The following GOLGA8H variants were observed in gnomAD, a reference collection of about 807,000 sequenced individuals.
The protein encoded by GOLGA8H is golgin subfamily A member 8H.
A neutral mutation model predicts 82.7 loss-of-function variants in GOLGA8H; 47 were observed. The observed-to-expected ratio is 0.57, with a 90% CI of 0.45 to 0.73. The LOEUF (loss-of-function observed/expected upper bound fraction) is 0.73, where lower values mean the gene tolerates loss of function less well. GOLGA8H is among the 30% of genes least tolerant of loss of function. The pLI, the probability that GOLGA8H is intolerant of heterozygous loss-of-function variation, is 0.00. For missense variants in GOLGA8H, 372 were observed against 661.0 expected, an observed-to-expected ratio of 0.56 and a Z score of 4.79; for synonymous variants, 108 against 241.6, an observed-to-expected ratio of 0.45 and a Z score of 5.13.
At chr15:30,605,698 C>A in intron 1 of GOLGA8H, 145 bp from the exon 2 acceptor site, 3 of 1,404,166 alleles carry the variant, frequency 2.1e-6, no homozygotes, top group Middle Eastern at 2.6e-4. Flanking sequence ...TTCTCAGTCA[C>A]TAAATGAGTG....
chr15:30,610,624 T>C, intron 11 of GOLGA8H, 142 bp from the exon 12 acceptor site: 1 of 1,479,986 alleles, frequency 6.8e-7, no homozygotes, highest in Non-Finnish European at 9.1e-7. Context: ...GAATGTGCTT[T>C]GGAAGACTGG....
chr15:30,609,769 C>G, intron 8 of GOLGA8H, 37 bp from the exon 9 acceptor site: 3 of 1,545,114 alleles, frequency 1.9e-6, no homozygotes, highest in Non-Finnish European at 1.8e-6. Context: ...AATGCCCAGG[C>G]TCTCCAGATT....
intron 4 of GOLGA8H, 90 bp from the exon 5 acceptor site, chr15:30,607,940 T>G: frequency 6.3e-7 from 1 of 1,590,386 alleles, no homozygotes; most frequent in Non-Finnish European, 8.5e-7. Flanking sequence ...GCCTTTAAAA[T>G]CCATTCCTGG....
In GOLGA8H at chr15:30,609,803, C is replaced by T. The variant is rs771045131; in HGVS notation, c.592-3C>T. 45 of 1,514,754 alleles carry T rather than the reference C, an allele frequency of 3.0e-5. No individual in the cohort carries two copies. In the East Asian group the frequency reaches 4.2e-4, roughly 14 times the overall value. 93.8% of individuals were successfully genotyped at this position (1,514,754 alleles called of 1,614,324 possible). A position where few individuals can be genotyped will look rare whatever the true frequency, so the allele number is the denominator to read the frequency against. On this transcript the variant is annotated splice_polypyrimidine_tract_variant and splice_region_variant and intron_variant, in intron 8 of 18. Transcript: ENST00000566740. ...TTGAAACTTCTCACTCTTCACCATCCAGTTGTCCAGCCGCAGCAAAGCACG... is the reference window on the plus strand; with the variant it reads ...TTGAAACTTCTCACTCTTCACCATCTAGTTGTCCAGCCGCAGCAAAGCACG...
At chr15:30,608,296 C>A (rs1394965895) in intron 5 of GOLGA8H, 35 bp from the exon 6 acceptor site, 1 of 1,582,882 alleles carries the variant, frequency 6.3e-7, no homozygotes, top group Non-Finnish European at 8.6e-7. Context: ...TCTCTGCCTC[C>A]CCCTGGTAAG....
chr15:30,611,425 G>C, intron 13 of GOLGA8H, 79 bp downstream of exon 13: 1 of 1,488,932 alleles, frequency 6.7e-7, no homozygotes, highest in Non-Finnish European at 9.0e-7. Context: ...GGAGGTGCCA[G>C]GCCAGAGGCA....
At chr15:30,609,128 TG>T (rs1429787257) in intron 8 of GOLGA8H, among the ~76,000 whole-genome samples, 2 of 118,186 alleles carry the variant, frequency 1.7e-5, no homozygotes, top group African/African-American at 3.5e-5. Flanking sequence ...CGTGTGTGTG[TG>T]TGTGTGTGTG....
At chr15:30,608,439 C>T in intron 6 of GOLGA8H, 28 bp from the exon 7 acceptor site, 16 of 1,604,284 alleles carry the variant, frequency 1.0e-5, no homozygotes, top group Non-Finnish European at 1.4e-5. Flanking sequence ...CCTTCTCTTT[C>T]AGCACTTGCT....
chr15:30,616,133 T>C lies in GOLGA8H; in HGVS notation c.*1572T>C, dbSNP rs2060102938. On this transcript the variant is annotated 3_prime_UTR_variant, in exon 19 of 19. Transcript: ENST00000566740. ...ATTGTGCCTATGCATGATGAATGAA[T>C]GCATTTCAGTTGTATATTGCCTAAA... Among the ~76,000 whole-genome samples, 1 of 152,052 alleles carries C rather than the reference T, an allele frequency of 6.6e-6. No individual in the cohort carries two copies. Among genetic ancestry groups the C allele is most frequent in the African/African-American group, 2.4e-5 (1 of 41,408 alleles).
chr15:30,606,443 A>G lies in GOLGA8H; in HGVS notation c.169-412A>G, dbSNP rs1043182107. Reference sequence around the variant, plus strand: ...GATTTAGGGCAAGTTGCTAGACCTCATCGGGCCTCTCTTTTCACATCTGTA... The same window carrying G: ...GATTTAGGGCAAGTTGCTAGACCTCGTCGGGCCTCTCTTTTCACATCTGTA... On this transcript the variant is annotated intron_variant, in intron 2 of 18. Transcript: ENST00000566740. Among the ~76,000 whole-genome samples the G allele has an allele frequency of 4.6e-3, 700 of 151,144 alleles. 17 individuals are homozygous for G. The highest frequency in any genetic ancestry group is 0.016 in the African/African-American group (651 of 40,816).
intron 1 of GOLGA8H, 106 bp from the exon 2 acceptor site, chr15:30,605,737 C>A (rs1194815983): frequency 3.9e-6 from 6 of 1,535,532 alleles, no homozygotes; most frequent in Middle Eastern, 2.3e-4. Flanking sequence ...TTGTTGGTGT[C>A]ATTAAATCAG....
chr15:30,606,343 ACT>A lies in GOLGA8H; in HGVS notation c.168+384_168+385del, dbSNP rs1185795640. Among the ~76,000 whole-genome samples the A allele has an allele frequency of 4.0e-5, 6 of 149,260 alleles. 1 individual carries two copies. The highest frequency in any genetic ancestry group is 8.9e-5 in the Non-Finnish European group (6 of 67,420). On this transcript the variant is annotated intron_variant, in intron 2 of 18. Coordinates refer to ENST00000566740, the MANE Select transcript of GOLGA8H (RefSeq NM_001282490.2). ...CACTCCAGCCTGGTGACAGAGCAAG[ACT>A]CTGTCTCAAAGAAAAAAAAAAAAGG...
intron 2 of GOLGA8H, 132 bp downstream of exon 2, chr15:30,606,094 C>A (rs1233130618): frequency 4.8e-6 from 7 of 1,447,026 alleles, no homozygotes; most frequent in Non-Finnish European, 6.4e-6. Context: ...GTGGCCCACG[C>A]CTGTAATCCT....
intron 1 of GOLGA8H, 39 bp downstream of exon 1, chr15:30,604,212 C>G: frequency 8.3e-7 from 1 of 1,206,090 alleles, no homozygotes; most frequent in Non-Finnish European, 1.1e-6. Context: ...AACCCAGCCA[C>G]AGATCCCCTC....
intron 8 of GOLGA8H, among the ~76,000 whole-genome samples, chr15:30,609,005 C>T (rs2059972926): frequency 1.5e-5 from 2 of 133,234 alleles, no homozygotes; most frequent in South Asian, 4.5e-4. Flanking sequence ...CCGCCCTTAC[C>T]TGGCTGTGGT....
chr15:30,606,665 A>T (rs2059928627), intron 2 of GOLGA8H, among the ~76,000 whole-genome samples, 190 bp from the exon 3 acceptor site: 1 of 151,046 alleles, frequency 6.6e-6, no homozygotes, highest in South Asian at 2.1e-4. Context: ...GGAGTCACTG[A>T]AGGGGCCCCA....
chr15:30,608,374 T>C lies in GOLGA8H; in HGVS notation c.392T>C (p.Leu131Pro), dbSNP rs767098344. 9.5e-6 allele frequency: 15 copies of C among 1,572,758 alleles called. No individual in the cohort carries two copies. The South Asian group carries it at 1.6e-4, about 17-fold the overall frequency. Residue 131 changes from leucine (L) to proline (P), a missense_variant, in exon 6 of 19, where the codon CTA (leucine) becomes CCA (proline). Coordinates refer to ENST00000566740, the MANE Select transcript of GOLGA8H (RefSeq NM_001282490.2). ...NNKKQKAKRV[L>P]EVQIQTLNIQ... The stretch of plus-strand genomic sequence containing the variant: ...AAGAAACAGAAAGCCAAAAGGGTGC[T>C]AGAGGTGAGTGGAGGGTGTGCAGTT...
intron 15 of GOLGA8H, among the ~76,000 whole-genome samples, 191 bp downstream of exon 15, chr15:30,613,386 C>T (rs543577779): frequency 1.1e-5 from 1 of 93,488 alleles, no homozygotes; most frequent in East Asian, 2.1e-4. Flanking sequence ...AGGGGCTGCG[C>T]TCCACCTCTC....
intron 10 of GOLGA8H, 87 bp downstream of exon 10, chr15:30,610,193 G>T (rs1185849509): frequency 6.4e-7 from 1 of 1,557,238 alleles, no homozygotes; most frequent in African/African-American, 1.4e-5. Flanking sequence ...TAGAGCCAGA[G>T]GTGGTCATGG....
Sources: gnomAD v4.1 joint callset for allele counts (sites outside exome capture counted in the v4.1 genomes callset) on GRCh38, gnomAD v4.1.1 for gene constraint, MANE v1.5 for transcripts, NCBI Gene and HGNC (gene_info 2026-07-23, HGNC 2026-07-21) for gene names.